Variants in ATP11B observed in about 807,000 individuals in gnomAD.
ATP11B encodes phospholipid-transporting ATPase IF.
ATP11B carries 81 observed loss-of-function variants against 157.8 expected under a neutral mutation model. That is an observed-to-expected ratio of 0.51 (90% CI 0.43 to 0.62). ATP11B has a LOEUF of 0.62. Among genes scored for constraint, ATP11B ranks in the 20% least tolerant of loss-of-function variants. ATP11B has a pLI of 0.00. For synonymous variants in ATP11B, 451 were observed against 469.4 expected (o/e 0.96, Z 0.51); for missense variants, 1,165 against 1,402.2 (o/e 0.83, Z 2.70).
At chr3:182,905,282 T>G (rs568510364) in intron 28 of ATP11B, among the ~76,000 whole-genome samples, 2 of 152,316 alleles carry the variant, frequency 1.3e-5, no homozygotes, top group South Asian at 4.1e-4. Context: ...GAACTGAAAT[T>G]TATATAAATT....
rs16833545 is a variant in ATP11B at position 182,865,405 on chromosome 3, A to G, written c.1201-51A>G. 1.7e-3 allele frequency: 2,738 copies of G among 1,577,418 alleles called. 53 individuals are homozygous for G. The African/African-American group carries it at 0.034, about 20-fold the overall frequency. On this transcript the variant is annotated intron_variant, in intron 12 of 29. Coordinates refer to ENST00000323116, the MANE Select transcript of ATP11B (RefSeq NM_014616.3). ...GACAGAGATTTTTTTCTTGTTTAAC[A>G]TAGGACCATGAACACAAAGGTTTAT...
chr3:182,850,626 G>A (rs919924299), intron 10 of ATP11B, among the ~76,000 whole-genome samples: 4 of 152,236 alleles, frequency 2.6e-5, no homozygotes, highest in South Asian at 4.1e-4. Flanking sequence ...ACTCTTATAC[G>A]TGGTTGGTGG....
chr3:182,821,942 T>C (rs1309812803), intron 2 of ATP11B, among the ~76,000 whole-genome samples: 6 of 152,184 alleles, frequency 3.9e-5, no homozygotes, highest in African/African-American at 1.4e-4. Flanking sequence ...TTGTCTTAGG[T>C]CAGCAGTTCT....
At chr3:182,844,094 C>T (rs1259668860) in intron 8 of ATP11B, 5 of 152,106 alleles carry the variant, frequency 3.3e-5, no homozygotes, top group Admixed American at 6.5e-5. Flanking sequence ...AAAAATGAAC[C>T]ATGTTCTCTA....
intron 4 of ATP11B, among the ~76,000 whole-genome samples, chr3:182,831,290 A>T (rs1000960236): frequency 6.6e-6 from 1 of 152,122 alleles, no homozygotes; most frequent in African/African-American, 2.4e-5. Context: ...GTTCTGTTTT[A>T]TCCCTACCTT....
At chr3:182,863,414 G>T (rs1212886139) in intron 12 of ATP11B, among the ~76,000 whole-genome samples, 1 of 151,658 alleles carries the variant, frequency 6.6e-6, no homozygotes, top group Non-Finnish European at 1.5e-5. Flanking sequence ...TTGTTTTCCT[G>T]GAACCTCACA....
At position 182,897,313 on chromosome 3, in the gene ATP11B, A is replaced by G; in HGVS notation, c.3059A>G (p.Glu1020Gly). Residue 1020 changes from glutamate to glycine, a missense_variant, in exon 27 of 30, where the codon GAA becomes GGA. Transcript: ENST00000323116. ...VITVTVKMAL[E>G]THFWTWINHL... ...AAAACTTTTTTTTAGATGGCTCTGGAAACTCATTTTTGGACTTGGATCAAC... is the reference window on the plus strand; with the variant it reads ...AAAACTTTTTTTTAGATGGCTCTGGGAACTCATTTTTGGACTTGGATCAAC... The G allele has an allele frequency of 6.4e-7, 1 of 1,567,772 alleles. No homozygotes were observed. The highest frequency in any genetic ancestry group is 8.6e-7 in the Non-Finnish European group (1 of 1,165,454).
intron 28 of ATP11B, among the ~76,000 whole-genome samples, chr3:182,912,262 T>G (rs1724846276): frequency 6.6e-6 from 1 of 152,162 alleles, no homozygotes; most frequent in African/African-American, 2.4e-5. Context: ...TGTTGCTTAA[T>G]ATTTGCTGGT....
At chr3:182,805,456 T>G (rs953508719) in intron 1 of ATP11B, among the ~76,000 whole-genome samples, 5 of 149,348 alleles carry the variant, frequency 3.3e-5, no homozygotes, top group Middle Eastern at 3.2e-3. Context: ...TATTTTTGCT[T>G]TTTTTTTTTT....
chr3:182,885,538 TA>T (rs1226240566), intron 22 of ATP11B, among the ~76,000 whole-genome samples: 1 of 152,158 alleles, frequency 6.6e-6, no homozygotes, highest in African/African-American at 2.4e-5. Flanking sequence ...AATATGAGTA[TA>T]TTGAGATGGA....
intron 17 of ATP11B, among the ~76,000 whole-genome samples, chr3:182,869,952 A>G (rs1409921209): frequency 6.6e-6 from 1 of 152,252 alleles, no homozygotes; most frequent in Non-Finnish European, 1.5e-5. Flanking sequence ...AATATATGCT[A>G]CAACATGGAC....
chr3:182,805,006 CA>C (rs1161623431), intron 1 of ATP11B, among the ~76,000 whole-genome samples: 1 of 152,172 alleles, frequency 6.6e-6, no homozygotes, highest in Non-Finnish European at 1.5e-5. Context: ...GGATATACCA[CA>C]TTTTTTAATT....
At chr3:182,862,588 A>C (rs980044873) in intron 12 of ATP11B, among the ~76,000 whole-genome samples, 1 of 151,746 alleles carries the variant, frequency 6.6e-6, no homozygotes, top group Non-Finnish European at 1.5e-5. Context: ...AATTTAAACT[A>C]CTCCTGATAG....
chr3:182,898,697 T>C lies in ATP11B; in HGVS notation c.3243T>C (p.Val1081=). The C allele has an allele frequency of 6.2e-7, 1 of 1,604,568 alleles. No homozygotes were observed. Among genetic ancestry groups the C allele is most frequent in the South Asian group, 1.1e-5 (1 of 89,196 alleles). ...SAWFAIILMV[V]TCLFLDIIKK... ...GGTTTGCCATAATCCTCATGGTTGT[T>C]ACATGTCTATTTCTTGATATCATAA... Residue 1081 remains valine, a synonymous_variant, in exon 28 of 30, where the codon GTT becomes GTC. Coordinates refer to ENST00000323116, the MANE Select transcript of ATP11B (RefSeq NM_014616.3).
At chr3:182,867,493 G>A in intron 15 of ATP11B, 49 bp downstream of exon 15, 1 of 1,219,910 alleles carries the variant, frequency 8.2e-7, no homozygotes, top group Non-Finnish European at 1.2e-6. Flanking sequence ...AGTGTATATA[G>A]TATAGAATAA....
At chr3:182,847,597 A>C (rs905963172) in intron 9 of ATP11B, among the ~76,000 whole-genome samples, 1 of 152,198 alleles carries the variant, frequency 6.6e-6, no homozygotes, top group African/African-American at 2.4e-5. Context: ...CTTCCAGGAC[A>C]AATATTTAGG....
chr3:182,832,571 C>T (rs1281054311), intron 4 of ATP11B, among the ~76,000 whole-genome samples: 2 of 152,178 alleles, frequency 1.3e-5, no homozygotes, highest in Non-Finnish European at 2.9e-5. Context: ...TTCTTGTCTT[C>T]TCCCCTTTTA....
chr3:182,890,997 C>G (rs971192464), intron 25 of ATP11B, among the ~76,000 whole-genome samples: 6 of 152,116 alleles, frequency 3.9e-5, no homozygotes, highest in African/African-American at 9.7e-5. Flanking sequence ...TGTAACAAAC[C>G]TGCACGTTGT....
chr3:182,884,947 T>G, intron 22 of ATP11B, 49 bp downstream of exon 22: 2 of 1,099,846 alleles, frequency 1.8e-6, no homozygotes, highest in Non-Finnish European at 2.5e-6. Context: ...AATATGAAGT[T>G]TCAATTTAAG....
Sources: gnomAD v4.1 joint callset for allele counts (sites outside exome capture counted in the v4.1 genomes callset) on GRCh38, gnomAD v4.1.1 for gene constraint, MANE v1.5 for transcripts, NCBI Gene and HGNC (gene_info 2026-07-23, HGNC 2026-07-21) for gene names.